Variants in GPC6 observed in about 807,000 individuals in gnomAD.
The protein encoded by GPC6 is glypican 6.
In GPC6, 14 loss-of-function variants were observed where a neutral mutation model predicts 55.2. The ratio of observed to expected loss-of-function variants is 0.25; its 90% CI spans 0.17 to 0.40. The LOEUF is 0.40. Among genes scored for constraint, GPC6 ranks in the 10% least tolerant of loss-of-function variants. GPC6 has a pLI of 1.00. For missense variants in GPC6, 641 were observed against 708.5 expected (o/e 0.90, Z 1.08); for synonymous variants, 278 against 259.6 (o/e 1.07, Z -0.68).
At chr13:93,273,928 G>A (rs138367719) in intron 1 of GPC6, among the ~76,000 whole-genome samples, 2,221 of 151,690 alleles carry the variant, frequency 0.015, 54 homozygotes, top group African/African-American at 0.05. Context: ...GTGCCTCAGC[G>A]TCCTGAGTAG....
intron 1 of GPC6, among the ~76,000 whole-genome samples, chr13:93,354,020 C>G (rs1269796158): frequency 6.6e-6 from 1 of 152,096 alleles, no homozygotes; most frequent in Non-Finnish European, 1.5e-5. Flanking sequence ...TTTGGTAAAT[C>G]AGATTTACTA....
chr13:94,358,108 G>A (rs1036213406), intron 6 of GPC6, among the ~76,000 whole-genome samples: 3 of 152,006 alleles, frequency 2.0e-5, no homozygotes, highest in Non-Finnish European at 2.9e-5. Context: ...TGACCAGTAT[G>A]GTGAAACCCC....
At chr13:93,669,746 A>T (rs542887559) in intron 2 of GPC6, among the ~76,000 whole-genome samples, 224 of 152,220 alleles carry the variant, frequency 1.5e-3, no homozygotes, top group African/African-American at 4.3e-3. Context: ...AGTCATTGAA[A>T]CTTCAGGCTA....
intron 3 of GPC6, among the ~76,000 whole-genome samples, chr13:93,858,895 TC>T (rs1461684114): frequency 6.6e-6 from 1 of 151,578 alleles, no homozygotes; most frequent in Non-Finnish European, 1.5e-5. Flanking sequence ...GAAGCTAACT[TC>T]AAAGTAGAAT....
intron 3 of GPC6, among the ~76,000 whole-genome samples, chr13:93,842,053 T>C (rs1240025802): frequency 6.6e-6 from 1 of 152,194 alleles, no homozygotes; most frequent in Non-Finnish European, 1.5e-5. Flanking sequence ...TGCTCTCAGC[T>C]TTCTAAAAAC....
At chr13:94,052,464 A>G (rs1883986455) in intron 4 of GPC6, among the ~76,000 whole-genome samples, 1 of 152,156 alleles carries the variant, frequency 6.6e-6, no homozygotes, top group African/African-American at 2.4e-5. Flanking sequence ...CTCATATGCT[A>G]TGCTGTGGAG....
intron 3 of GPC6, among the ~76,000 whole-genome samples, chr13:93,968,707 C>T (rs554064488): frequency 1.9e-3 from 288 of 152,174 alleles, no homozygotes; most frequent in African/African-American, 6.8e-3. Flanking sequence ...CTGTGGAATA[C>T]ATAAAGGTGA....
At chr13:93,969,577 C>G (rs756496403) in intron 3 of GPC6, among the ~76,000 whole-genome samples, 1 of 152,080 alleles carries the variant, frequency 6.6e-6, no homozygotes, top group Non-Finnish European at 1.5e-5. Context: ...CTGGCTAATA[C>G]CATTAACAAA....
chr13:94,083,088 C>T (rs1388601505), intron 4 of GPC6, among the ~76,000 whole-genome samples: 1 of 152,162 alleles, frequency 6.6e-6, no homozygotes, highest in East Asian at 1.9e-4. Flanking sequence ...TATCACTCTG[C>T]ACCTTTATCC....
intron 3 of GPC6, among the ~76,000 whole-genome samples, chr13:93,988,677 A>G (rs1881147860): frequency 6.6e-6 from 1 of 152,068 alleles, no homozygotes. Context: ...CCCACTCATG[A>G]GATCCCCACC....
At chr13:93,888,646 A>C (rs1207153612) in intron 3 of GPC6, among the ~76,000 whole-genome samples, 1 of 152,114 alleles carries the variant, frequency 6.6e-6, no homozygotes. Context: ...CTTCTCTTAG[A>C]TGCTTTTGGT....
At chr13:94,251,476 A>C (rs1038253512) in intron 4 of GPC6, among the ~76,000 whole-genome samples, 4 of 151,176 alleles carry the variant, frequency 2.6e-5, no homozygotes, top group Non-Finnish European at 5.9e-5. Context: ...AAAAAAAAAA[A>C]CACGGACTGG....
At chr13:94,011,272 A>C (rs1377378640) in intron 3 of GPC6, among the ~76,000 whole-genome samples, 1 of 152,150 alleles carries the variant, frequency 6.6e-6, no homozygotes. Flanking sequence ...TACATCAAAT[A>C]TTTTATAATT....
chr13:94,092,962 G>A (rs1016639604), intron 4 of GPC6, among the ~76,000 whole-genome samples: 1 of 149,982 alleles, frequency 6.7e-6, no homozygotes, highest in African/African-American at 2.5e-5. Flanking sequence ...TTTTTAATTG[G>A]ATTATTTGTT....
chr13:93,557,440 A>G (rs984556915), intron 2 of GPC6, among the ~76,000 whole-genome samples: 23 of 152,234 alleles, frequency 1.5e-4, no homozygotes, highest in Admixed American at 1.0e-3. Flanking sequence ...AAATTCTTCC[A>G]TTAAGTAATG....
chr13:93,469,601 T>C (rs927730278), intron 1 of GPC6, among the ~76,000 whole-genome samples: 12 of 152,140 alleles, frequency 7.9e-5, no homozygotes, highest in African/African-American at 2.2e-4. Flanking sequence ...AAAGAAATTA[T>C]GTTTGGACTC....
chr13:93,847,410 T>G (rs566082647), intron 3 of GPC6, among the ~76,000 whole-genome samples: 2 of 152,246 alleles, frequency 1.3e-5, no homozygotes, highest in African/African-American at 4.8e-5. Flanking sequence ...CGTCACTGGG[T>G]TAAATGACTC....
chr13:93,438,683 A>G (rs551445480), intron 1 of GPC6, among the ~76,000 whole-genome samples: 2 of 152,300 alleles, frequency 1.3e-5, no homozygotes, highest in Admixed American at 6.5e-5. Context: ...ATCTACTTCT[A>G]TTGAGGATGC....
At chr13:93,408,335 G>T (rs1488290082) in intron 1 of GPC6, among the ~76,000 whole-genome samples, 1 of 152,138 alleles carries the variant, frequency 6.6e-6, no homozygotes, top group East Asian at 1.9e-4. Flanking sequence ...CATGATCTGG[G>T]TGTAACAGGA....
Sources: gnomAD v4.1 joint callset for allele counts (sites outside exome capture counted in the v4.1 genomes callset) on GRCh38, gnomAD v4.1.1 for gene constraint, MANE v1.5 for transcripts, NCBI Gene and HGNC (gene_info 2026-07-23, HGNC 2026-07-21) for gene names.